ZNF83: variants seen among roughly 807,000 people sequenced by gnomAD.
ZNF83 encodes the protein zinc finger protein 83.
For synonymous variants in ZNF83, 209 were observed against 213.0 expected (o/e 0.98, Z 0.17); for missense variants, 552 against 629.9 (o/e 0.88, Z 1.32).
rs113146313 is a variant in ZNF83, at chr19:52,654,219, A to G, written c.-74+1342T>C. ...TTTTGATTTTTGTCATGGGTGCTTC[A>G]TGGCCATTTCTTTTAATTTCTTGCC... On this transcript the variant is annotated intron_variant, in intron 3 of 5. Coordinates refer to the ZNF83 transcript ENST00000594682. 2,827 of 1,586,454 alleles carry G rather than the reference A, an allele frequency of 1.8e-3. 49 individuals are homozygous for G. In the African/African-American group the frequency reaches 0.032, roughly 18 times the overall value.
rs768486495 is a variant in ZNF83 at position 52,613,935 on chromosome 19, A to G, written c.630T>C (p.Cys210=). 4.3e-6 allele frequency: 7 copies of G among 1,613,308 alleles called. No homozygotes were observed. In the South Asian group the frequency reaches 5.5e-5, roughly 13 times the overall value. ...GTGAAATTTGATGGAAGACCTTTCC[A>G]CATTCATTACATTTATAAGGTTTCT... The change falls in exon 3 of 3, where the codon TGT becomes TGC. Residue 210 remains cysteine, a synonymous_variant. Coordinates refer to ENST00000301096, the Ensembl canonical transcript of ZNF83.
chr19:52,669,243 T>C (rs1207614960), intron 1 of ZNF83, among the ~76,000 whole-genome samples: 1 of 152,126 alleles, frequency 6.6e-6, no homozygotes, highest in Non-Finnish European at 1.5e-5. Context: ...GCAAAAGAAG[T>C]CCCTTATGGG....
At chr19:52,665,545 G>A (rs202012530) in intron 1 of ZNF83, among the ~76,000 whole-genome samples, 2 of 152,220 alleles carry the variant, frequency 1.3e-5, no homozygotes, top group East Asian at 3.9e-4. Flanking sequence ...GAATCAATGT[G>A]TCAGTATGTG....
intron 2 of ZNF83, among the ~76,000 whole-genome samples, chr19:52,659,133 T>C (rs2061544739): frequency 1.3e-5 from 2 of 150,804 alleles, no homozygotes; most frequent in South Asian, 4.2e-4. Flanking sequence ...ATACCTCAGT[T>C]GATGTCCTGT....
intron 3 of ZNF83, chr19:52,655,282 T>A (rs540808666): frequency 6.1e-5 from 20 of 325,790 alleles, no homozygotes; most frequent in Admixed American, 9.0e-5. Flanking sequence ...CCCTGACAAT[T>A]CTGCTCAGGG....
intron 2 of ZNF83, among the ~76,000 whole-genome samples, chr19:52,633,547 C>T (rs1271793491): frequency 6.6e-6 from 1 of 152,156 alleles, no homozygotes. Context: ...GAGGATGTGA[C>T]AGGGAAAGGA....
chr19:52,642,145 T>G (rs531474290), upstream of ZNF83, among the ~76,000 whole-genome samples: 47 of 151,928 alleles, frequency 3.1e-4, no homozygotes, highest in Middle Eastern at 3.4e-3. Context: ...GAGGGACGGG[T>G]TCTGTCCCAC....
intron 2 of ZNF83, 42 bp from the exon 3 acceptor site, chr19:52,614,839 A>G: frequency 2.4e-6 from 3 of 1,251,138 alleles, no homozygotes; most frequent in Non-Finnish European, 3.0e-6. Context: ...TTAATTACAG[A>G]TAGTCAATAA....
chr19:52,652,306 C>A, intron 3 of ZNF83: 1 of 245,358 alleles, frequency 4.1e-6, no homozygotes, highest in South Asian at 4.5e-5. Flanking sequence ...CTTGGTGGAG[C>A]ATGCTTGTAG....
rs796851018 is a variant in ZNF83, at chr19:52,690,202, C to A, written c.-283+241G>T. ...TTTGAGAAAAAAAAAAAAAAAACAA[C>A]AACAACTACGCGATAGGAAGTGTAT... On this transcript the variant is annotated intron_variant, in intron 1 of 5. Transcript: ENST00000594682. Among the ~76,000 whole-genome samples the A allele has an allele frequency of 6.0e-3, 875 of 146,512 alleles. 6 individuals are homozygous for A. The highest frequency in any genetic ancestry group is 0.02 in the African/African-American group (783 of 39,496).
intron 1 of ZNF83, among the ~76,000 whole-genome samples, chr19:52,676,554 C>T (rs956803389): frequency 1.3e-4 from 19 of 151,036 alleles, no homozygotes; most frequent in African/African-American, 2.4e-4. Flanking sequence ...AGGTGGGGGG[C>T]GCCTCTGCCC....
At chr19:52,625,064 T>C (rs1812313889) in intron 2 of ZNF83, among the ~76,000 whole-genome samples, 1 of 151,932 alleles carries the variant, frequency 6.6e-6, no homozygotes, top group Admixed American at 6.6e-5. Context: ...TTCCTCATCC[T>C]GATCACATTT....
intron 2 of ZNF83, among the ~76,000 whole-genome samples, chr19:52,625,751 G>A (rs967346367): frequency 5.3e-5 from 8 of 151,908 alleles, no homozygotes; most frequent in Non-Finnish European, 8.8e-5. Flanking sequence ...CTTATATCCA[G>A]CCCCATAAAT....
intron 2 of ZNF83, among the ~76,000 whole-genome samples, chr19:52,628,629 G>T (rs1053426581): frequency 6.6e-6 from 1 of 151,970 alleles, no homozygotes; most frequent in Admixed American, 6.6e-5. Context: ...CGCCTGCCTT[G>T]GTCCTTCACC....
At chr19:52,613,160 G>A (rs571856338) in exon 3 of ZNF83, 24 of 1,612,662 alleles carry the variant, frequency 1.5e-5, no homozygotes, top group African/African-American at 1.3e-4. Flanking sequence ...AGGCTTGAAC[G>A]CATACTAAAA....
chr19:52,684,625 C>T (rs1055125325), intron 1 of ZNF83, among the ~76,000 whole-genome samples: 11 of 149,434 alleles, frequency 7.4e-5, no homozygotes, highest in Admixed American at 3.3e-4. Flanking sequence ...ACCTGAGTAA[C>T]GTGATAGAGA....
intron 2 of ZNF83, among the ~76,000 whole-genome samples, chr19:52,630,009 G>A (rs1231722693): frequency 2.0e-5 from 3 of 152,168 alleles, no homozygotes; most frequent in Admixed American, 1.3e-4. Flanking sequence ...ACAGTGGCCA[G>A]GCATTCCTCC....
At chr19:52,640,143 C>T (rs1394227695), upstream of ZNF83, among the ~76,000 whole-genome samples, 1 of 152,132 alleles carries the variant, frequency 6.6e-6, no homozygotes, top group African/African-American at 2.4e-5. Context: ...AACATAGCGA[C>T]GCGTGCCCTC....
intron 1 of ZNF83, among the ~76,000 whole-genome samples, chr19:52,675,557 C>G (rs535771785): frequency 1.3e-5 from 2 of 152,172 alleles, no homozygotes; most frequent in East Asian, 3.9e-4. Flanking sequence ...AGTGGATGAA[C>G]AAGGTCTTGA....
Sources: allele counts gnomAD v4.1 joint callset (sites outside exome capture counted in the v4.1 genomes callset), GRCh38; gene constraint gnomAD v4.1.1; transcripts MANE v1.5; gene names NCBI Gene and HGNC (gene_info 2026-07-23, HGNC 2026-07-21).